Variants in GRAMD1B observed in about 807,000 individuals in gnomAD.
The protein encoded by GRAMD1B is protein Aster-B.
In GRAMD1B, 37 loss-of-function variants were observed where a neutral mutation model predicts 99.7. That is an observed-to-expected ratio of 0.37 (90% CI 0.29 to 0.49). The LOEUF is 0.49. Ranked by LOEUF, GRAMD1B falls within the 20% of genes least tolerant of loss-of-function variation. The pLI, the probability that GRAMD1B is intolerant of heterozygous loss-of-function variation, is 0.98. For missense variants in GRAMD1B, 888 were observed against 1,009.2 expected (o/e 0.88, Z 1.63); for synonymous variants, 427 against 387.6 (o/e 1.10, Z -1.19).
intron 1 of GRAMD1B, among the ~76,000 whole-genome samples, chr11:123,411,612 A>AT (rs1948055888): frequency 6.6e-6 from 1 of 152,028 alleles, no homozygotes; most frequent in African/African-American, 2.4e-5. Flanking sequence ...CACATTCCTG[A>AT]TTTTTTCATT....
chr11:123,521,726 G>A (rs1031502479), intron 2 of GRAMD1B, among the ~76,000 whole-genome samples: 1 of 152,198 alleles, frequency 6.6e-6, no homozygotes, highest in Non-Finnish European at 1.5e-5. Flanking sequence ...GGCAGCATTT[G>A]TACATTTCTT....
intron 1 of GRAMD1B, among the ~76,000 whole-genome samples, chr11:123,434,738 A>G (rs1005863905): frequency 6.6e-6 from 1 of 152,214 alleles, no homozygotes; most frequent in African/African-American, 2.4e-5. Flanking sequence ...CAGTGAGCTG[A>G]GATCACACCA....
At chr11:123,527,952 T>A (rs946491581) in intron 2 of GRAMD1B, among the ~76,000 whole-genome samples, 2 of 152,232 alleles carry the variant, frequency 1.3e-5, no homozygotes, top group African/African-American at 4.8e-5. Flanking sequence ...GCAGTGTTAA[T>A]CTGGGAACTG....
chr11:123,507,001 G>T (rs1251488351), intron 2 of GRAMD1B, among the ~76,000 whole-genome samples: 1 of 152,188 alleles, frequency 6.6e-6, no homozygotes, highest in African/African-American at 2.4e-5. Flanking sequence ...GTTCACCAGG[G>T]CTGTGTCACA....
At chr11:123,547,893 T>G (rs1345116709) in intron 2 of GRAMD1B, among the ~76,000 whole-genome samples, 1 of 152,160 alleles carries the variant, frequency 6.6e-6, no homozygotes, top group African/African-American at 2.4e-5. Context: ...GTAATTTTGG[T>G]CCATGCTGAG....
chr11:123,384,201 G>A (rs905093950), intron 1 of GRAMD1B, among the ~76,000 whole-genome samples: 2 of 152,114 alleles, frequency 1.3e-5, no homozygotes, highest in East Asian at 1.9e-4. Flanking sequence ...CAGCATACAT[G>A]TATTGCCCTA....
At position 123,492,539 on chromosome 11, in the gene GRAMD1B, C is replaced by T. The variant is rs1196578349; in HGVS notation, c.452+11646C>T. ...GTGGCTCCTGGCTGAATCTGCCCTG[C>T]CCTCTTGGCCTCTGTAACTAGAAGA... On this transcript the variant is annotated intron_variant, in intron 2 of 19. Coordinates refer to ENST00000635736, the MANE Select transcript of GRAMD1B (RefSeq NM_001387025.1). The surrounding 1 kb of genome is among the most constrained non-coding windows in gnomAD (Gnocchi z 4.2). 6.6e-6 allele frequency among the ~76,000 whole-genome samples: 1 copy of T among 152,130 alleles called. No individual in the cohort carries two copies. The highest frequency in any genetic ancestry group is 2.4e-5 in the African/African-American group (1 of 41,406).
At chr11:123,500,943 G>C (rs1939792286) in intron 2 of GRAMD1B, among the ~76,000 whole-genome samples, 1 of 152,068 alleles carries the variant, frequency 6.6e-6, no homozygotes, top group Admixed American at 6.5e-5. Flanking sequence ...CAAAGTGCTG[G>C]GATTACAGTC....
At chr11:123,401,292 G>A (rs1010779178) in intron 1 of GRAMD1B, among the ~76,000 whole-genome samples, 2 of 152,134 alleles carry the variant, frequency 1.3e-5, no homozygotes, top group Non-Finnish European at 2.9e-5. Flanking sequence ...AAGAGCGGAG[G>A]GTATTTGGCT....
chr11:123,509,418 T>A (rs1940756943), intron 2 of GRAMD1B, among the ~76,000 whole-genome samples: 1 of 152,160 alleles, frequency 6.6e-6, no homozygotes, highest in Admixed American at 6.5e-5. Context: ...AGGAAGGACA[T>A]GGGTGTTTTT....
Position 123,480,801 on chromosome 11 carries a change from T to TA in GRAMD1B, c.375-14dup. The TA allele has an allele frequency of 2.5e-6, 1 of 399,048 alleles. No homozygotes were observed. Among genetic ancestry groups the TA allele is most frequent in the Non-Finnish European group, 4.4e-6 (1 of 226,150 alleles). The allele number at this position is 399,048 out of a possible 1,614,324, so 24.7% of individuals were successfully genotyped here. A position where few individuals can be genotyped will look rare whatever the true frequency, so the allele number is the denominator to read the frequency against. ...AAGCTGAAGTTAACGGTTGATATCC[T>TA]ATGTCTTTCCTCAGCAGCCAACAGA... is the stretch of plus-strand genomic sequence containing the variant. On this transcript the variant is annotated splice_polypyrimidine_tract_variant and intron_variant, in intron 1 of 19. Transcript: ENST00000635736.
chr11:123,497,277 T>C (rs1023602101), intron 2 of GRAMD1B, among the ~76,000 whole-genome samples: 2 of 152,220 alleles, frequency 1.3e-5, no homozygotes, highest in East Asian at 3.9e-4. Flanking sequence ...CAAATGCAGT[T>C]TCTCACTGTG....
intron 2 of GRAMD1B, chr11:123,560,560 C>A: frequency 3.5e-6 from 3 of 848,190 alleles, no homozygotes; most frequent in East Asian, 6.3e-5. Flanking sequence ...AGGGCCCCCG[C>A]TCCCCGCCCC....
Position 123,492,661 on chromosome 11 carries a change from A to T in GRAMD1B, c.452+11768A>T, listed in dbSNP as rs74662702. On this transcript the variant is annotated intron_variant, in intron 2 of 19. Coordinates refer to ENST00000635736, the MANE Select transcript of GRAMD1B (RefSeq NM_001387025.1). The surrounding 1 kb of genome is among the most constrained non-coding windows in gnomAD (Gnocchi z 4.2). ...TCAAGAGAGAGGATCATGTAAACTT[A>T]TGGGCAGGTTTGTGTGTTTTTGCTT... is the stretch of plus-strand genomic sequence containing the variant. Among the ~76,000 whole-genome samples the T allele has an allele frequency of 0.014, 2,190 of 152,226 alleles. 62 individuals carry two copies. Among genetic ancestry groups the T allele is most frequent in the African/African-American group, 0.049 (2,029 of 41,520 alleles).
chr11:123,455,773 T>C (rs908947197), intron 1 of GRAMD1B, among the ~76,000 whole-genome samples: 1 of 152,208 alleles, frequency 6.6e-6, no homozygotes. Flanking sequence ...CTGCATCCCT[T>C]CTGCTAAACC....
At chr11:123,468,741 G>A (rs1366202526) in intron 1 of GRAMD1B, among the ~76,000 whole-genome samples, 2 of 146,800 alleles carry the variant, frequency 1.4e-5, no homozygotes, top group Non-Finnish European at 3.0e-5. Context: ...AGGTTGCAGT[G>A]AGCCAAGATC....
chr11:123,431,006 A>C lies in GRAMD1B; in HGVS notation c.214A>C (p.Lys72Gln), dbSNP rs1429094040. 5.7e-6 allele frequency: 4 copies of C among 702,914 alleles called. No homozygotes were observed. Among genetic ancestry groups the C allele is most frequent in the South Asian group, 4.4e-5 (3 of 67,592 alleles). 43.5% of individuals were successfully genotyped at this position (702,914 alleles called of 1,614,324 possible). Residue 72 changes from lysine (K) to glutamine (Q), a missense_variant, in exon 1 of 20, where the codon AAG becomes CAG. By Grantham distance (53) the Lys-to-Gln change is moderately conservative (BLOSUM62 1). Transcript: ENST00000635736. ...RDLPAVLAPG[K>Q]EFLQLPSIEI... The stretch of plus-strand genomic sequence containing the variant: ...CCTGCCCGCCGTCTTGGCCCCCGGC[A>C]AGGAGTTCCTGCAGCTGCCGTCCAT...
At chr11:123,575,620 G>C (rs997811727) in intron 2 of GRAMD1B, among the ~76,000 whole-genome samples, 1 of 152,134 alleles carries the variant, frequency 6.6e-6, no homozygotes, top group Non-Finnish European at 1.5e-5. Flanking sequence ...CTAGAGCAAG[G>C]AGGCTCACCC....
At chr11:123,409,532 C>T (rs1306131940) in intron 1 of GRAMD1B, among the ~76,000 whole-genome samples, 4 of 152,128 alleles carry the variant, frequency 2.6e-5, no homozygotes, top group African/African-American at 9.7e-5. Context: ...TCTTGAAGCC[C>T]AAACAGAAGT....
Sources: gnomAD v4.1 joint callset for allele counts (sites outside exome capture counted in the v4.1 genomes callset) on GRCh38, gnomAD v4.1.1 for gene constraint, Gnocchi (gnomAD v3.1) non-coding constraint, MANE v1.5 for transcripts, NCBI Gene and HGNC (gene_info 2026-07-23, HGNC 2026-07-21) for gene names.